The following ARHGEF28 variants were observed in gnomAD, a reference collection of about 807,000 sequenced individuals.
The protein encoded by ARHGEF28 is 190 kDa guanine nucleotide exchange factor.
A neutral mutation model predicts 206.6 loss-of-function variants in ARHGEF28; 152 were observed. The observed-to-expected ratio is 0.74, with a 90% confidence interval of 0.64 to 0.84. The LOEUF is 0.84. ARHGEF28 is among the 40% of genes least tolerant of loss of function. The probability of loss-of-function intolerance (pLI) is 0.00; values close to 1 mark genes in which losing one functional copy is unlikely to be tolerated. For synonymous variants in ARHGEF28, 763 were observed against 776.4 expected, an observed-to-expected ratio of 0.98 and a Z score of 0.29; for missense variants, 2,028 against 2,073.2, an observed-to-expected ratio of 0.98 and a Z score of 0.42.
chr5:73,786,078 G>T (rs62357723), intron 7 of ARHGEF28, among the ~76,000 whole-genome samples: 2 of 145,080 alleles, frequency 1.4e-5, no homozygotes, highest in Non-Finnish European at 3.0e-5. Flanking sequence ...AAAAAAAAAG[G>T]CAAAGAGAAA....
chr5:73,904,130 G>A (rs1374937672), intron 31 of ARHGEF28, 92 bp from the exon 32 acceptor site: 2 of 1,275,200 alleles, frequency 1.6e-6, no homozygotes, highest in South Asian at 1.2e-5. Context: ...ATAGCAAAGT[G>A]ATTTACCCAA....
At chr5:73,741,403 A>G (rs1283315484) in intron 2 of ARHGEF28, among the ~76,000 whole-genome samples, 143 of 12,960 alleles carry the variant, frequency 0.011, no homozygotes, top group South Asian at 0.02. Context: ...ATATATATAT[A>G]TATATATATA....
intron 1 of ARHGEF28, among the ~76,000 whole-genome samples, chr5:73,638,204 T>G (rs1391894342): frequency 6.6e-6 from 1 of 152,232 alleles, no homozygotes; most frequent in African/African-American, 2.4e-5. Flanking sequence ...ATATTTACTG[T>G]AGCTATTTGG....
At chr5:73,898,997 C>T (rs528174960) in intron 30 of ARHGEF28, 30 of 152,150 alleles carry the variant, frequency 2.0e-4, no homozygotes, top group African/African-American at 6.0e-4. Flanking sequence ...TCTTTAACAA[C>T]ATCCCTTGAT....
intron 10 of ARHGEF28, among the ~76,000 whole-genome samples, chr5:73,838,696 G>A (rs1757809175): frequency 6.6e-6 from 1 of 152,148 alleles, no homozygotes. Context: ...AACCATGTAA[G>A]AATAAATGAA....
At chr5:73,769,119 T>A (rs1371085400) in intron 4 of ARHGEF28, among the ~76,000 whole-genome samples, 1 of 148,554 alleles carries the variant, frequency 6.7e-6, no homozygotes, top group African/African-American at 2.4e-5. Flanking sequence ...GGTATGTCTT[T>A]ATCAGCAGCA....
chr5:73,766,044 C>T (rs574749074), intron 4 of ARHGEF28, among the ~76,000 whole-genome samples: 12 of 151,256 alleles, frequency 7.9e-5, no homozygotes, highest in Admixed American at 2.6e-4. Flanking sequence ...CCCAGCTACT[C>T]GGGAGCCTGA....
Position 73,868,238 on chromosome 5 carries a change from G to T in ARHGEF28, c.2425+11G>T, listed in dbSNP as rs1187256672. On this transcript the variant is annotated intron_variant, in intron 20 of 35. Transcript: ENST00000513042. ...CTTTCATAATGGAAGGTGAGGAGAA[G>T]ACACACTTCCATTTATTTGTGTTTT... 2.4e-5 allele frequency: 37 copies of T among 1,560,450 alleles called. No individual in the cohort carries two copies. Among genetic ancestry groups the T allele is most frequent in the Non-Finnish European group, 3.2e-5 (37 of 1,149,778 alleles).
At chr5:73,795,510 C>A in intron 9 of ARHGEF28, 119 bp downstream of exon 9, 1 of 844,838 alleles carries the variant, frequency 1.2e-6, no homozygotes. Context: ...TATCTATTTC[C>A]TGAAACGCAT....
At chr5:73,710,986 G>A (rs993915449) in intron 2 of ARHGEF28, among the ~76,000 whole-genome samples, 2 of 152,116 alleles carry the variant, frequency 1.3e-5, no homozygotes, top group African/African-American at 4.8e-5. Context: ...TTATAGCCAC[G>A]AGCCACCGCT....
At chr5:73,807,033 G>A (rs1287475056) in intron 9 of ARHGEF28, among the ~76,000 whole-genome samples, 1 of 134,766 alleles carries the variant, frequency 7.4e-6, no homozygotes, top group Non-Finnish European at 1.6e-5. Context: ...TGGCATGTAA[G>A]AGGTTTTTTT....
chr5:73,707,900 T>C (rs1561347720), intron 2 of ARHGEF28, among the ~76,000 whole-genome samples: 1 of 152,190 alleles, frequency 6.6e-6, no homozygotes, highest in Non-Finnish European at 1.5e-5. Context: ...TCCTGGCTGG[T>C]ATTACTGATT....
intron 1 of ARHGEF28, among the ~76,000 whole-genome samples, chr5:73,654,291 C>G (rs1348334458): frequency 6.6e-6 from 1 of 152,160 alleles, no homozygotes; most frequent in African/African-American, 2.4e-5. Flanking sequence ...CAACCAGAAC[C>G]CCATAAATGT....
intron 24 of ARHGEF28, 113 bp downstream of exon 24, chr5:73,883,997 C>G (rs1001904641): frequency 1.9e-6 from 1 of 516,254 alleles, no homozygotes. Context: ...AAGAGTTTCA[C>G]GACGGAGAAA....
chr5:73,903,619 G>A (rs1762390875), intron 31 of ARHGEF28: 1 of 153,700 alleles, frequency 6.5e-6, no homozygotes, highest in Non-Finnish European at 1.4e-5. Context: ...CGTGGCCTCT[G>A]CTGCTAGTAC....
intron 9 of ARHGEF28, among the ~76,000 whole-genome samples, chr5:73,823,141 G>A (rs1756698323): frequency 6.6e-6 from 1 of 152,172 alleles, no homozygotes; most frequent in African/African-American, 2.4e-5. Context: ...AACCTGGGCA[G>A]GTTAATCACT....
intron 2 of ARHGEF28, among the ~76,000 whole-genome samples, chr5:73,690,879 AAG>A (rs1747779051): frequency 6.6e-6 from 1 of 152,202 alleles, no homozygotes; most frequent in Non-Finnish European, 1.5e-5. Flanking sequence ...GCTTATTATA[AAG>A]AATATAATAG....
chr5:73,806,409 T>C (rs1254369764), intron 9 of ARHGEF28, among the ~76,000 whole-genome samples: 10 of 129,478 alleles, frequency 7.7e-5, no homozygotes, highest in African/African-American at 3.0e-4. Context: ...CATATATAGA[T>C]ATATAGATAT....
At chr5:73,665,356 C>G (rs1745887472) in intron 1 of ARHGEF28, among the ~76,000 whole-genome samples, 1 of 152,132 alleles carries the variant, frequency 6.6e-6, no homozygotes, top group Admixed American at 6.5e-5. Flanking sequence ...GGGTCTTGCT[C>G]TTGCTTCCAG....
Sources: allele counts gnomAD v4.1 joint callset (sites outside exome capture counted in the v4.1 genomes callset), GRCh38; gene constraint gnomAD v4.1.1; transcripts MANE v1.5; gene names NCBI Gene and HGNC (gene_info 2026-07-23, HGNC 2026-07-21).